Variants in DLG2 observed in about 807,000 individuals in gnomAD.
DLG2 encodes disks large homolog 2.
DLG2 carries 45 observed loss-of-function variants against 132.5 expected under a neutral mutation model. The ratio of observed to expected loss-of-function variants is 0.34; its 90% CI spans 0.27 to 0.44. DLG2 has a LOEUF of 0.44. DLG2 is among the 20% of genes least tolerant of loss of function. DLG2 has a pLI of 1.00. For missense variants in DLG2, 1,045 were observed against 1,196.9 expected, an observed-to-expected ratio of 0.87 and a Z score of 1.87; for synonymous variants, 424 against 419.6, an observed-to-expected ratio of 1.01 and a Z score of -0.13.
intron 6 of DLG2, among the ~76,000 whole-genome samples, chr11:85,098,909 A>G (rs1317264223): frequency 1.3e-5 from 2 of 152,206 alleles, no homozygotes; most frequent in African/African-American, 4.8e-5. Context: ...TCCCTTCTCC[A>G]CCTGCTCCAG....
intron 18 of DLG2, among the ~76,000 whole-genome samples, chr11:83,744,672 G>A (rs2092774877): frequency 6.6e-6 from 1 of 152,038 alleles, no homozygotes; most frequent in Admixed American, 6.5e-5. Context: ...TTTAGTGTTT[G>A]GATCCGTTAC....
At chr11:83,474,602 A>G (rs1226906148) in intron 22 of DLG2, among the ~76,000 whole-genome samples, 1 of 152,152 alleles carries the variant, frequency 6.6e-6, no homozygotes, top group Non-Finnish European at 1.5e-5. Context: ...TGGGAGTTTC[A>G]TAAAGGCGAG....
chr11:85,360,297 T>G (rs931599566), intron 3 of DLG2, among the ~76,000 whole-genome samples: 1 of 152,208 alleles, frequency 6.6e-6, no homozygotes, highest in African/African-American at 2.4e-5. Flanking sequence ...GTGTGTAACT[T>G]TGAGTGTGGC....
At chr11:83,787,626 G>A (rs914011301) in intron 17 of DLG2, among the ~76,000 whole-genome samples, 2 of 152,044 alleles carry the variant, frequency 1.3e-5, no homozygotes, top group African/African-American at 2.4e-5. Context: ...CGGCCGCCTT[G>A]TTTTAAAATA....
intron 6 of DLG2, chr11:84,923,594 A>G: frequency 1.0e-6 from 1 of 991,772 alleles, no homozygotes; most frequent in Non-Finnish European, 1.2e-6. Context: ...GTAAATGAAG[A>G]GGAAACCCTT....
intron 21 of DLG2, among the ~76,000 whole-genome samples, chr11:83,517,480 C>T (rs2095335701): frequency 6.6e-6 from 1 of 152,210 alleles, no homozygotes; most frequent in African/African-American, 2.4e-5. Context: ...CCTTCTTTAG[C>T]TCGGAGTAGT....
chr11:84,252,614 C>G (rs972821025), intron 7 of DLG2, among the ~76,000 whole-genome samples: 1 of 152,074 alleles, frequency 6.6e-6, no homozygotes, highest in Non-Finnish European at 1.5e-5. Context: ...AAAACTGATA[C>G]AGGAGTGCTA....
At chr11:83,598,851 T>G (rs971978487) in intron 19 of DLG2, among the ~76,000 whole-genome samples, 4 of 152,230 alleles carry the variant, frequency 2.6e-5, no homozygotes, top group Admixed American at 6.5e-5. Context: ...TTTGGTACTG[T>G]GTATCATGCA....
At chr11:85,050,810 A>G (rs79135908) in intron 6 of DLG2, among the ~76,000 whole-genome samples, 2,980 of 152,254 alleles carry the variant, frequency 0.02, 51 homozygotes, top group Admixed American at 0.042. Flanking sequence ...TCATGTCTCA[A>G]TGTATAAAAC....
chr11:84,643,780 T>C (rs2099671078), intron 6 of DLG2, among the ~76,000 whole-genome samples: 1 of 152,212 alleles, frequency 6.6e-6, no homozygotes, highest in Non-Finnish European at 1.5e-5. Flanking sequence ...CTGCAGCCAA[T>C]GGGCATACAA....
At chr11:85,407,570 G>A (rs1475950074) in intron 3 of DLG2, among the ~76,000 whole-genome samples, 2 of 151,822 alleles carry the variant, frequency 1.3e-5, no homozygotes, top group Admixed American at 6.6e-5. Context: ...AAGAATTTGA[G>A]TGCAATTTGC....
intron 11 of DLG2, among the ~76,000 whole-genome samples, chr11:84,003,544 C>G (rs1211405751): frequency 1.3e-5 from 2 of 152,088 alleles, no homozygotes; most frequent in East Asian, 1.9e-4. Context: ...AAGAAAGACA[C>G]CTTCTTCACA....
At chr11:85,623,168 T>C (rs2081839471) in intron 2 of DLG2, among the ~76,000 whole-genome samples, 2 of 152,126 alleles carry the variant, frequency 1.3e-5, no homozygotes, top group African/African-American at 2.4e-5. Context: ...TTTCAGTACA[T>C]GATAAAAATG....
intron 8 of DLG2, among the ~76,000 whole-genome samples, chr11:84,233,790 C>T (rs1472037309): frequency 1.3e-5 from 2 of 152,164 alleles, no homozygotes; most frequent in East Asian, 1.9e-4. Flanking sequence ...CTCTTTCTTT[C>T]GCCTATTAAA....
chr11:84,502,530 G>A (rs1300175401), intron 7 of DLG2, among the ~76,000 whole-genome samples: 1 of 150,384 alleles, frequency 6.6e-6, no homozygotes, highest in Non-Finnish European at 1.5e-5. Flanking sequence ...CAAGTAGCTG[G>A]GACTACAGGG....
intron 18 of DLG2, among the ~76,000 whole-genome samples, chr11:83,766,241 G>A (rs963206547): frequency 2.6e-5 from 4 of 151,780 alleles, no homozygotes; most frequent in Admixed American, 1.3e-4. Flanking sequence ...CTACAGGCAC[G>A]TGCCACCACA....
At chr11:84,597,076 C>G (rs571215959) in intron 6 of DLG2, among the ~76,000 whole-genome samples, 7 of 152,132 alleles carry the variant, frequency 4.6e-5, no homozygotes, top group African/African-American at 1.7e-4. Flanking sequence ...CAAAATTAGT[C>G]AGGTGTGGTT....
chr11:84,203,230 T>C (rs965755720), intron 8 of DLG2, among the ~76,000 whole-genome samples: 2 of 152,250 alleles, frequency 1.3e-5, no homozygotes, highest in East Asian at 1.9e-4. Context: ...CCATCAATGA[T>C]AGACTGGATA....
At chr11:83,559,336 A>C (rs2096572258) in intron 19 of DLG2, among the ~76,000 whole-genome samples, 1 of 152,164 alleles carries the variant, frequency 6.6e-6, no homozygotes, top group African/African-American at 2.4e-5. Context: ...CTCCATGTGA[A>C]GGGAGAATTA....
Sources: gnomAD v4.1 joint callset for allele counts (sites outside exome capture counted in the v4.1 genomes callset) on GRCh38, gnomAD v4.1.1 for gene constraint, MANE v1.5 for transcripts, NCBI Gene and HGNC (gene_info 2026-07-23, HGNC 2026-07-21) for gene names.